The following PHRF1 variants were observed in gnomAD, a reference collection of about 807,000 sequenced individuals.
PHRF1 encodes the protein PHD and ring finger domains 1, also known as PHD and RING finger domain-containing protein 1.
PHRF1 carries 53 observed loss-of-function variants against 128.9 expected under a neutral mutation model. The ratio of observed to expected loss-of-function variants is 0.41; its 90% CI spans 0.33 to 0.52. PHRF1 has a LOEUF of 0.52. Ranked by LOEUF, PHRF1 falls within the 20% of genes least tolerant of loss-of-function variation. The pLI, the probability that PHRF1 is intolerant of heterozygous loss-of-function variation, is 0.21. For missense variants in PHRF1, 2,503 were observed against 2,284.5 expected, an observed-to-expected ratio of 1.10 and a Z score of -1.95; for synonymous variants, 1,178 against 980.6, an observed-to-expected ratio of 1.20 and a Z score of -3.76.
At chr11:583,078 C>A (rs546657251) in intron 3 of PHRF1, among the ~76,000 whole-genome samples, 1 of 151,186 alleles carries the variant, frequency 6.6e-6, no homozygotes, top group Admixed American at 6.6e-5. Context: ...CGGTGGCTCA[C>A]GCCTGTAATC....
Position 611,647 on chromosome 11 carries a change from A to C in PHRF1, c.4820A>C (p.Lys1607Thr). The C allele has an allele frequency of 6.2e-7, 1 of 1,613,118 alleles. No homozygotes were observed. The highest frequency in any genetic ancestry group is 8.5e-7 in the Non-Finnish European group (1 of 1,179,848). The change falls in exon 18 of 18, where the codon AAG becomes ACG. Residue 1607 changes from lysine (K) to threonine (T), a missense_variant. Lys to Thr is a moderately conservative substitution (Grantham distance 78). Transcript: ENST00000264555. ...RKAVQKICHS[K>T]SGEINPVKVA... ...CTCTTTCTCCAGATCTGCCACAGCAAGAGTGGAGAGATCAACCCCGTGAAG... is the reference window on the plus strand; with the variant it reads ...CTCTTTCTCCAGATCTGCCACAGCACGAGTGGAGAGATCAACCCCGTGAAG...
chr11:603,729 GTTTTTT>G (rs71022937), intron 10 of PHRF1, among the ~76,000 whole-genome samples: 4 of 78,230 alleles, frequency 5.1e-5, no homozygotes, highest in Non-Finnish European at 6.8e-5. Flanking sequence ...ATTTAAGTTT[GTTTTTT>G]TTTTTTTTTT....
intron 10 of PHRF1, among the ~76,000 whole-genome samples, chr11:603,734 T>TG (rs1855781943): frequency 7.0e-6 from 1 of 143,214 alleles, no homozygotes; most frequent in African/African-American, 2.6e-5. Context: ...AGTTTGTTTT[T>TG]TTTTTTTTTT....
rs760800828 is a variant in PHRF1 at position 609,130 on chromosome 11, A to T, written c.3674A>T (p.Glu1225Val). The T allele has an allele frequency of 6.8e-6, 11 of 1,606,100 alleles. No individual in the cohort carries two copies. The highest frequency in any genetic ancestry group is 6.8e-6 in the Non-Finnish European group (8 of 1,178,314). The part of the protein sequence containing the change: ...DLPTRLPALG[E>V]AHVSPEVATA... The stretch of plus-strand genomic sequence containing the variant: ...CCCACCAGGTTGCCAGCCTTGGGGG[A>T]AGCACATGTCTCGCCGGAGGTGGCT... The change falls in exon 14 of 18, where the codon GAA becomes GTA. Residue 1225 changes from glutamate (E) to valine (V), a missense_variant. Transcript: ENST00000264555.
chr11:584,454 G>A (rs1854404053), intron 3 of PHRF1, among the ~76,000 whole-genome samples: 1 of 152,190 alleles, frequency 6.6e-6, no homozygotes, highest in Non-Finnish European at 1.5e-5. Flanking sequence ...GGGGGACAGG[G>A]TCATAGACAC....
chr11:606,531 T>C lies in PHRF1; in HGVS notation c.1544T>C (p.Leu515Pro), dbSNP rs756843925. 5 of 1,610,634 alleles carry C rather than the reference T, an allele frequency of 3.1e-6. No individual in the cohort carries two copies. Among genetic ancestry groups the C allele is most frequent in the Non-Finnish European group, 4.2e-6 (5 of 1,179,682 alleles). ...LLGSILSGQS[L>P]LMLGSSDVII... ...GGCAGCATCCTGTCGGGCCAGAGCC[T>C]CCTGATGCTGGGCAGCAGTGATGTC... The change falls in exon 13 of 18, where the codon CTC (leucine) becomes CCC (proline). Residue 515 changes from leucine to proline, a missense_variant. Transcript: ENST00000264555.
intron 3 of PHRF1, among the ~76,000 whole-genome samples, chr11:583,731 TCAAACAAAA>T (rs1564839850): frequency 6.6e-6 from 1 of 151,960 alleles, no homozygotes; most frequent in African/African-American, 2.4e-5. Flanking sequence ...AGACGTTATC[TCAAACAAAA>T]CAAAGGGGAG....
At chr11:605,039 G>GC in intron 10 of PHRF1, 80 bp from the exon 11 acceptor site, 1 of 1,383,914 alleles carries the variant, frequency 7.2e-7, no homozygotes, top group Non-Finnish European at 9.8e-7. Context: ...GCTGATGAAG[G>GC]CTTCACGTGG....
intron 3 of PHRF1, 105 bp downstream of exon 3, chr11:582,186 C>T: frequency 6.6e-7 from 1 of 1,515,328 alleles, no homozygotes. Flanking sequence ...CACAGCTGGC[C>T]ATGTCCCTGC....
intron 1 of PHRF1, among the ~76,000 whole-genome samples, chr11:581,282 C>T (rs905432853): frequency 4.0e-5 from 6 of 151,778 alleles, no homozygotes; most frequent in Admixed American, 6.6e-5. Flanking sequence ...CGTGCTGTGG[C>T]GGTGGATGTG....
In PHRF1 at chr11:607,316, T is replaced by A. The variant is rs757759424; in HGVS notation, c.1860T>A (p.Ser620Arg). 1.9e-6 allele frequency: 3 copies of A among 1,612,464 alleles called. No individual in the cohort carries two copies. Among genetic ancestry groups the A allele is most frequent in the Non-Finnish European group, 2.5e-6 (3 of 1,179,844 alleles). ...AGGCTCGGAACTTGTCAAATGGGAGTGTGCCTGGCTTCAGACAGAGCCACA... is the reference window on the plus strand; with the variant it reads ...AGGCTCGGAACTTGTCAAATGGGAGAGTGCCTGGCTTCAGACAGAGCCACA... ...AVQARNLSNG[S>R]VPGFRQSHSP... is the part of the protein sequence containing the mutation. The change falls in exon 14 of 18, where the codon AGT (serine) becomes AGA (arginine). Residue 620 changes from serine (S) to arginine (R), a missense_variant. By Grantham distance (110) the Ser-to-Arg change is moderately radical. Transcript: ENST00000264555.
rs370802487 is a variant in PHRF1 at position 597,432 on chromosome 11, C to T, written c.756C>T (p.Leu252=). The T allele has an allele frequency of 6.4e-5, 104 of 1,613,040 alleles. No individual in the cohort carries two copies. The African/African-American group carries it at 8.0e-4, about 12-fold the overall frequency. The change falls in exon 8 of 18, where the codon CTC becomes CTT. Residue 252 remains leucine (L), a synonymous_variant. Transcript: ENST00000264555. The surrounding 1 kb of genome is among the most constrained non-coding windows in gnomAD (Gnocchi z 6.5). The stretch of plus-strand genomic sequence containing the variant: ...TGAGTGAGGAGGAGGTCTCCCTGCT[C>T]TTGGCTGATGTGGTGCCCACCACCA... ...GPVSEEEVSL[L]LADVVPTTSR...
chr11:580,178 C>G (rs1184209189), intron 1 of PHRF1, among the ~76,000 whole-genome samples: 3 of 152,220 alleles, frequency 2.0e-5, no homozygotes, highest in African/African-American at 7.2e-5. Context: ...GACTCACTCT[C>G]CTAGGACAGG....
chr11:597,588 G>A lies in PHRF1; in HGVS notation c.894+18G>A. On this transcript the variant is annotated intron_variant, in intron 8 of 17. Transcript: ENST00000264555. This position sits in a 1 kb window ranked among gnomAD's most constrained non-coding sequence, Gnocchi z 6.5. ...GGGTCCAGGTGGGTGGCCCAGCCCT[G>A]ACGCCAGTCGTAGAACCCCAGCTGC... 6.2e-7 allele frequency: 1 copy of A among 1,602,768 alleles called. No homozygotes were observed. Among genetic ancestry groups the A allele is most frequent in the Non-Finnish European group, 8.5e-7 (1 of 1,175,642 alleles).
chr11:611,554 G>C, intron 17 of PHRF1, 80 bp from the exon 18 acceptor site: 1 of 1,593,732 alleles, frequency 6.3e-7, no homozygotes, highest in South Asian at 1.1e-5. Context: ...GCAGGCGAGG[G>C]AGCCCAGCTT....
chr11:579,568 C>T (rs73401010), intron 1 of PHRF1, among the ~76,000 whole-genome samples: 6,015 of 152,180 alleles, frequency 0.04, 408 homozygotes, highest in African/African-American at 0.14. Flanking sequence ...CCGTGGCCCT[C>T]GTGTGTCTCT....
chr11:592,329 G>A (rs567825463), intron 5 of PHRF1, among the ~76,000 whole-genome samples: 8 of 151,590 alleles, frequency 5.3e-5, no homozygotes, highest in African/African-American at 1.5e-4. Flanking sequence ...GCTCCTTTCC[G>A]TGCATCATAC....
chr11:607,964 C>T lies in PHRF1; in HGVS notation c.2508C>T (p.Thr836=), dbSNP rs1017730860. 23 of 1,611,796 alleles carry T rather than the reference C, an allele frequency of 1.4e-5. No homozygotes were observed. The highest frequency in any genetic ancestry group is 1.1e-4 in the African/African-American group (8 of 74,890). Residue 836 remains threonine, a synonymous_variant, in exon 14 of 18, where the codon ACC becomes ACT. Transcript: ENST00000264555. Reference sequence around the variant, plus strand: ...AGGTCTACGACCCATCCGACCCCACCGGCTCCGACTCCAGCGCCCCTGGCA... The same window carrying T: ...AGGTCTACGACCCATCCGACCCCACTGGCTCCGACTCCAGCGCCCCTGGCA... ...RSEVYDPSDP[T]GSDSSAPGSS... is the part of the protein sequence containing the mutation.
rs140802650 is a variant in PHRF1 at position 602,497 on chromosome 11, A to T, written c.1152+796A>T. On this transcript the variant is annotated intron_variant, in intron 10 of 17. Coordinates refer to ENST00000264555, the MANE Select transcript of PHRF1 (RefSeq NM_001286581.2). ...GGAGTTCAAGGCCAGCCTGGCCAAC[A>T]TGGTGAAACCCCATCTCTACTAAAA... Among the ~76,000 whole-genome samples the T allele has an allele frequency of 1.1e-3, 170 of 152,240 alleles. 1 individual carries two copies. The highest frequency in any genetic ancestry group is 3.5e-3 in the African/African-American group (146 of 41,580).
Sources: allele counts gnomAD v4.1 joint callset (sites outside exome capture counted in the v4.1 genomes callset), GRCh38; gene constraint gnomAD v4.1.1; non-coding constraint Gnocchi (gnomAD v3.1); transcripts MANE v1.5; gene names NCBI Gene and HGNC (gene_info 2026-07-23, HGNC 2026-07-21).